The following MBD5 variants were observed in gnomAD, a reference collection of about 807,000 sequenced individuals.
MBD5 encodes methyl-CpG-binding domain protein 5.
A neutral mutation model predicts 117.3 loss-of-function variants in MBD5; 13 were observed. That is an observed-to-expected ratio of 0.11 (90% CI 0.07 to 0.18). The LOEUF is 0.18. Ranked by LOEUF, MBD5 falls within the 10% of genes least tolerant of loss-of-function variation. The pLI, the probability that MBD5 is intolerant of heterozygous loss-of-function variation, is 1.00. For missense variants in MBD5, 1,879 were observed against 2,093.8 expected (o/e 0.90, Z 2.00); for synonymous variants, 727 against 766.4 (o/e 0.95, Z 0.85).
intron 1 of MBD5, among the ~76,000 whole-genome samples, chr2:148,156,358 A>G (rs1697874474): frequency 1.3e-5 from 2 of 152,216 alleles, no homozygotes; most frequent in South Asian, 4.1e-4. Flanking sequence ...AACTGCTTAT[A>G]ACTACTCCCC....
At chr2:148,094,235 T>C (rs1696008624) in intron 1 of MBD5, among the ~76,000 whole-genome samples, 2 of 152,216 alleles carry the variant, frequency 1.3e-5, no homozygotes. Context: ...TTAATTGTAG[T>C]GCTCATTATT....
intron 4 of MBD5, among the ~76,000 whole-genome samples, chr2:148,422,018 A>C (rs964714832): frequency 6.6e-6 from 1 of 152,226 alleles, no homozygotes; most frequent in East Asian, 1.9e-4. Flanking sequence ...CAGCAGACTT[A>C]AATGTCCCTG....
In MBD5 at chr2:148,105,954, TTAA is replaced by T. The variant is rs1696360966; in HGVS notation, c.-924-72742_-924-72740del. On this transcript the variant is annotated intron_variant, in intron 1 of 13. Transcript: ENST00000642680. ...TGGATTATTTCTAGTTATATTTTTG[TTAA>T]TAAATTCTAACTTAATCTCATTATT... 7.2e-5 allele frequency among the ~76,000 whole-genome samples: 11 copies of T among 152,306 alleles called. No individual in the cohort carries two copies. The South Asian group carries it at 1.4e-3, about 20-fold the overall frequency.
At chr2:148,274,436 G>A (rs990606175) in intron 3 of MBD5, among the ~76,000 whole-genome samples, 5 of 142,318 alleles carry the variant, frequency 3.5e-5, no homozygotes, top group Non-Finnish European at 6.0e-5. Context: ...AAATAATCTC[G>A]ACCTTTAACT....
In MBD5 at chr2:148,503,399, A is replaced by C. The variant is rs1276028105; in HGVS notation, c.5036+890A>C. ...ATACCATTTTAACTTCTGTTTGTAC[A>C]TCAAGACTTACAAAGTGGAGATCAG... On this transcript the variant is annotated intron_variant, in intron 12 of 13. Coordinates refer to ENST00000642680, the MANE Select transcript of MBD5 (RefSeq NM_001378120.1). Among the ~76,000 whole-genome samples the C allele has an allele frequency of 9.2e-5, 14 of 152,350 alleles. No individual in the cohort carries two copies. In the East Asian group the frequency reaches 2.7e-3, roughly 29 times the overall value.
At chr2:148,046,198 G>A (rs1027531685) in intron 1 of MBD5, among the ~76,000 whole-genome samples, 1 of 151,826 alleles carries the variant, frequency 6.6e-6, no homozygotes, top group African/African-American at 2.4e-5. Context: ...TGGCCAGGAC[G>A]GTTTTGATCT....
intron 1 of MBD5, among the ~76,000 whole-genome samples, chr2:148,125,767 C>T (rs947105198): frequency 3.9e-5 from 6 of 152,204 alleles, no homozygotes; most frequent in African/African-American, 1.4e-4. Flanking sequence ...TCCTTGATGT[C>T]TGGGACTGTG....
chr2:148,208,582 C>T (rs1256566392), intron 2 of MBD5, among the ~76,000 whole-genome samples: 1 of 151,774 alleles, frequency 6.6e-6, no homozygotes, highest in African/African-American at 2.4e-5. Context: ...GACTGCTCAT[C>T]TCTTTTAGGT....
At chr2:148,505,207 A>C (rs1043397014) in intron 12 of MBD5, among the ~76,000 whole-genome samples, 2 of 152,138 alleles carry the variant, frequency 1.3e-5, no homozygotes, top group Admixed American at 1.3e-4. Flanking sequence ...AGCTTGGGAG[A>C]CTTGGTAGGT....
intron 1 of MBD5, among the ~76,000 whole-genome samples, chr2:148,038,579 AT>A (rs1240312771): frequency 2.0e-5 from 3 of 149,724 alleles, no homozygotes. Flanking sequence ...TTAAGGACAC[AT>A]TTTTTTTTCC....
intron 9 of MBD5, among the ~76,000 whole-genome samples, chr2:148,484,855 A>G (rs1681285784): frequency 6.6e-6 from 1 of 152,234 alleles, no homozygotes; most frequent in African/African-American, 2.4e-5. Flanking sequence ...CATAAAGTCT[A>G]GAAACAGGGA....
intron 1 of MBD5, among the ~76,000 whole-genome samples, chr2:148,134,523 A>G (rs2105490094): frequency 6.6e-6 from 1 of 152,298 alleles, no homozygotes; most frequent in Middle Eastern, 3.4e-3. Flanking sequence ...TCATCTGAAA[A>G]GTATGAACTA....
intron 1 of MBD5, among the ~76,000 whole-genome samples, chr2:148,095,909 CT>C (rs2105263597): frequency 1.3e-5 from 2 of 151,966 alleles, no homozygotes; most frequent in African/African-American, 4.8e-5. Context: ...GTACAATTTT[CT>C]CTTGAAAGAG....
intron 4 of MBD5, among the ~76,000 whole-genome samples, chr2:148,410,488 G>T (rs997095968): frequency 6.6e-6 from 1 of 152,128 alleles, no homozygotes; most frequent in Admixed American, 6.6e-5. Flanking sequence ...GGAGTGCAGT[G>T]GCGTGATGTC....
At chr2:148,422,369 A>G (rs1297043119) in intron 4 of MBD5, among the ~76,000 whole-genome samples, 2 of 152,206 alleles carry the variant, frequency 1.3e-5, no homozygotes, top group Non-Finnish European at 2.9e-5. Flanking sequence ...AAACTAACAA[A>G]CAGAAAGGAA....
At chr2:148,135,489 TA>T (rs1697149117) in intron 1 of MBD5, among the ~76,000 whole-genome samples, 1 of 152,238 alleles carries the variant, frequency 6.6e-6, no homozygotes, top group South Asian at 2.1e-4. Context: ...GAATATGTTT[TA>T]AAGTTGATCA....
intron 3 of MBD5, among the ~76,000 whole-genome samples, chr2:148,246,588 G>T (rs927714252): frequency 6.6e-6 from 1 of 151,832 alleles, no homozygotes; most frequent in African/African-American, 2.4e-5. Flanking sequence ...AGCCAAGATG[G>T]TGAAACCCCA....
At chr2:148,235,446 T>C (rs1031382715) in intron 3 of MBD5, among the ~76,000 whole-genome samples, 2 of 152,216 alleles carry the variant, frequency 1.3e-5, no homozygotes, top group African/African-American at 4.8e-5. Context: ...AATTTCATTC[T>C]ATTTGTGACC....
chr2:148,314,375 G>GTTTT (rs754531646), intron 3 of MBD5, among the ~76,000 whole-genome samples: 8 of 74,850 alleles, frequency 1.1e-4, no homozygotes, highest in Admixed American at 1.8e-4. Flanking sequence ...TCAGTGTTAT[G>GTTTT]GTTTTTTTTT....
Sources: gnomAD v4.1 joint callset for allele counts (sites outside exome capture counted in the v4.1 genomes callset) on GRCh38, gnomAD v4.1.1 for gene constraint, MANE v1.5 for transcripts, NCBI Gene and HGNC (gene_info 2026-07-23, HGNC 2026-07-21) for gene names.